The following CHCHD3 variants were observed in gnomAD, a reference collection of about 807,000 sequenced individuals.
CHCHD3 encodes the protein coiled-coil-helix-coiled-coil-helix domain containing 3, also known as MICOS complex subunit MIC19.
In CHCHD3, 20 loss-of-function variants were observed where a neutral mutation model predicts 38.2. The observed-to-expected ratio is 0.52, with a 90% CI of 0.37 to 0.76. The LOEUF (loss-of-function observed/expected upper bound fraction) is 0.76, where lower values mean the gene tolerates loss of function less well. Ranked by LOEUF, CHCHD3 falls within the 30% of genes least tolerant of loss-of-function variation. CHCHD3 has a pLI of 0.00. For missense variants in CHCHD3, 245 were observed against 279.2 expected, an observed-to-expected ratio of 0.88 and a Z score of 0.87; for synonymous variants, 82 against 100.0, an observed-to-expected ratio of 0.82 and a Z score of 1.07.
chr7:132,960,375 CA>C (rs766730877), intron 4 of CHCHD3, among the ~76,000 whole-genome samples: 8 of 152,184 alleles, frequency 5.3e-5, no homozygotes, highest in Non-Finnish European at 7.4e-5. Flanking sequence ...TGGAGAGACA[CA>C]GTTAAAATAT....
At chr7:133,016,617 A>T (rs148187905) in intron 3 of CHCHD3, among the ~76,000 whole-genome samples, 5 of 152,336 alleles carry the variant, frequency 3.3e-5, no homozygotes, top group African/African-American at 1.2e-4. Context: ...GAAGTATTAT[A>T]ATCTGGAGAG....
chr7:133,040,215 G>A (rs569090439), intron 2 of CHCHD3, among the ~76,000 whole-genome samples: 2 of 152,250 alleles, frequency 1.3e-5, no homozygotes, highest in South Asian at 4.1e-4. Flanking sequence ...AGACCTCAGA[G>A]CAGAAGCCTA....
chr7:132,831,390 T>C (rs1807646393), intron 6 of CHCHD3, among the ~76,000 whole-genome samples: 1 of 127,584 alleles, frequency 7.8e-6, no homozygotes, highest in Admixed American at 8.1e-5. Flanking sequence ...TTTGGTATAT[T>C]AGATCCATTC....
chr7:132,910,884 A>C (rs1166591506), intron 4 of CHCHD3, among the ~76,000 whole-genome samples: 1 of 152,182 alleles, frequency 6.6e-6, no homozygotes, highest in East Asian at 1.9e-4. Flanking sequence ...AAGCATTACC[A>C]ATCAACGGGA....
At chr7:133,012,180 A>G (rs928567846) in intron 3 of CHCHD3, among the ~76,000 whole-genome samples, 1 of 152,216 alleles carries the variant, frequency 6.6e-6, no homozygotes, top group Non-Finnish European at 1.5e-5. Context: ...AAATTATAGA[A>G]ACCCACTTGG....
At chr7:132,973,700 C>T (rs1026770530) in intron 4 of CHCHD3, 4 of 1,019,878 alleles carry the variant, frequency 3.9e-6, no homozygotes, top group Middle Eastern at 9.9e-4. Flanking sequence ...CATGGACTTC[C>T]TTTCATGTTC....
At chr7:132,995,326 A>G (rs1812386071) in intron 3 of CHCHD3, among the ~76,000 whole-genome samples, 1 of 152,192 alleles carries the variant, frequency 6.6e-6, no homozygotes, top group African/African-American at 2.4e-5. Flanking sequence ...AGCCATCACT[A>G]CTATCAAGGC....
intron 2 of CHCHD3, among the ~76,000 whole-genome samples, chr7:133,064,762 C>T (rs976624281): frequency 4.6e-5 from 7 of 152,166 alleles, no homozygotes; most frequent in African/African-American, 1.4e-4. Context: ...AGAGAAACTT[C>T]TACAGTGAGG....
intron 4 of CHCHD3, among the ~76,000 whole-genome samples, chr7:132,940,334 T>C (rs1810733976): frequency 6.6e-6 from 1 of 152,192 alleles, no homozygotes; most frequent in Non-Finnish European, 1.5e-5. Context: ...TAGGTATAAC[T>C]CAATTATCTG....
At chr7:132,818,918 C>G (rs969418594) in intron 6 of CHCHD3, among the ~76,000 whole-genome samples, 1 of 152,206 alleles carries the variant, frequency 6.6e-6, no homozygotes, top group African/African-American at 2.4e-5. Context: ...GAGATGAACT[C>G]TGGCAATTAG....
chr7:133,001,763 G>C, intron 3 of CHCHD3, among the ~76,000 whole-genome samples: 1 of 152,284 alleles, frequency 6.6e-6, no homozygotes, highest in Admixed American at 6.5e-5. Flanking sequence ...ATGTAGAAGA[G>C]AGCAGACAGA....
rs180930120 is a variant in CHCHD3 at position 133,002,247 on chromosome 7, T to C, written c.251+22299A>G. Among the ~76,000 whole-genome samples the C allele has an allele frequency of 7.9e-5, 12 of 152,326 alleles. No individual in the cohort carries two copies. In the East Asian group the frequency reaches 1.7e-3, roughly 22 times the overall value. On this transcript the variant is annotated intron_variant, in intron 3 of 7. Transcript: ENST00000262570. Reference sequence around the variant, plus strand: ...TATGTGCCAGGTGCTTTATATATGTTATCTTATTTAATCTTCATTTGAAAA... The same window carrying C: ...TATGTGCCAGGTGCTTTATATATGTCATCTTATTTAATCTTCATTTGAAAA...
intron 3 of CHCHD3, among the ~76,000 whole-genome samples, chr7:132,994,637 G>A (rs966586311): frequency 7.2e-5 from 11 of 152,080 alleles, no homozygotes; most frequent in African/African-American, 1.4e-4. Context: ...AGGATAAATC[G>A]CCTCTTAAGA....
At chr7:132,928,844 C>CAGG (rs1810446950) in intron 4 of CHCHD3, among the ~76,000 whole-genome samples, 1 of 152,102 alleles carries the variant, frequency 6.6e-6, no homozygotes, top group Admixed American at 6.5e-5. Context: ...TGCTTTTCTC[C>CAGG]GTCTCTTACC....
Position 133,062,719 on chromosome 7 carries a change from G to A in CHCHD3, c.169+7423C>T, listed in dbSNP as rs1207440788. Among the ~76,000 whole-genome samples the A allele has an allele frequency of 2.4e-4, 37 of 152,202 alleles. 1 individual carries two copies. Among genetic ancestry groups the A allele is most frequent in the Non-Finnish European group, 4.4e-5 (3 of 68,032 alleles). On this transcript the variant is annotated intron_variant, in intron 2 of 7. Transcript: ENST00000262570. ...CAGCTCCTGAGTACTGTGACTCCAC[G>A]ACATTACTATATTTCTAATCTACAT...
intron 4 of CHCHD3, among the ~76,000 whole-genome samples, chr7:132,908,968 C>T (rs933392507): frequency 3.3e-5 from 5 of 152,108 alleles, no homozygotes; most frequent in Non-Finnish European, 5.9e-5. Context: ...ATAATCTCCA[C>T]GTGTTGTGAG....
intron 4 of CHCHD3, among the ~76,000 whole-genome samples, chr7:132,899,314 G>A (rs1809604473): frequency 6.6e-6 from 1 of 152,162 alleles, no homozygotes. Context: ...AAGATCATAC[G>A]CAGCTCTGGG....
intron 4 of CHCHD3, among the ~76,000 whole-genome samples, chr7:132,889,742 T>C (rs912736552): frequency 2.0e-5 from 3 of 152,122 alleles, no homozygotes; most frequent in Admixed American, 2.0e-4. Flanking sequence ...AATATGATGC[T>C]AGGAGGAAAA....
rs146457733 is a variant in CHCHD3, at chr7:133,071,788, A to G, written c.82-1559T>C. On this transcript the variant is annotated intron_variant, in intron 1 of 7. Coordinates refer to ENST00000262570, the MANE Select transcript of CHCHD3 (RefSeq NM_017812.4). ...AGCAATAAAGAGCAGTGAAGTTATG[A>G]CATGTGCTACCGTACAGATAGACCT... Among the ~76,000 whole-genome samples, 1,281 of 152,336 alleles carry G rather than the reference A, an allele frequency of 8.4e-3. 13 individuals carry two copies. Among genetic ancestry groups the G allele is most frequent in the Non-Finnish European group, 0.012 (800 of 68,036 alleles).
Sources: gnomAD v4.1 joint callset for allele counts (sites outside exome capture counted in the v4.1 genomes callset) on GRCh38, gnomAD v4.1.1 for gene constraint, MANE v1.5 for transcripts, NCBI Gene and HGNC (gene_info 2026-07-23, HGNC 2026-07-21) for gene names.